Variants in ACSF2 observed in about 807,000 individuals in gnomAD.
The protein encoded by ACSF2 is acyl-CoA synthetase family member 2.
A neutral mutation model predicts 79.3 loss-of-function variants in ACSF2; 52 were observed. The observed-to-expected ratio is 0.66, with a 90% CI of 0.53 to 0.83. The LOEUF (loss-of-function observed/expected upper bound fraction) is 0.83, where lower values mean the gene tolerates loss of function less well. Ranked by LOEUF, ACSF2 falls within the 40% of genes least tolerant of loss-of-function variation. The probability of loss-of-function intolerance (pLI) is 0.00; values close to 1 mark genes in which losing one functional copy is unlikely to be tolerated. For missense variants in ACSF2, 661 were observed against 803.3 expected (o/e 0.82, Z 2.14); for synonymous variants, 283 against 312.6 (o/e 0.91, Z 1.00).
At chr17:50,468,073 C>T (rs760442529) in intron 10 of ACSF2, 1 of 1,608,844 alleles carries the variant, frequency 6.2e-7, no homozygotes, top group Non-Finnish European at 8.5e-7. Flanking sequence ...GCCAGAGGGT[C>T]TCCAGGTATC....
At chr17:50,461,038 G>A (rs533394305) in intron 2 of ACSF2, 166 bp downstream of exon 2, 10 of 1,104,974 alleles carry the variant, frequency 9.0e-6, no homozygotes, top group Middle Eastern at 2.5e-4. Flanking sequence ...CGCACAAGGG[G>A]TCCAATGCCT....
Position 50,471,174 on chromosome 17 carries a change from T to TCACCCAGCTGGGGTG in ACSF2, c.1323+52_1323+66dup, listed in dbSNP as rs375972772. 7 of 1,570,878 alleles carry TCACCCAGCTGGGGTG rather than the reference T, an allele frequency of 4.5e-6. No individual in the cohort carries two copies. The South Asian group carries it at 6.7e-5, about 15-fold the overall frequency. ...CAAGACTCCAAAGTCCCACCTCCCG[T>TCACCCAGCTGGGGTG]CACCCAGCTGGGGTGCACCCAGCTG... On this transcript the variant is annotated intron_variant, in intron 11 of 15. Transcript: ENST00000300441. This position sits in a 1 kb window ranked among gnomAD's most constrained non-coding sequence, Gnocchi z 4.1.
At chr17:50,426,884 C>T in intron 1 of ACSF2, 1 of 1,535,370 alleles carries the variant, frequency 6.5e-7, no homozygotes, top group Non-Finnish European at 8.7e-7. Flanking sequence ...TACTCCTGGG[C>T]CTATTTCCTT....
intron 12 of ACSF2, 103 bp downstream of exon 12, chr17:50,472,682 T>A: frequency 2.2e-6 from 3 of 1,357,164 alleles, no homozygotes; most frequent in Non-Finnish European, 3.0e-6. Context: ...GATGTGGGTA[T>A]CAAGATGACC....
At chr17:50,432,369 T>G (rs1241877777) in intron 1 of ACSF2, among the ~76,000 whole-genome samples, 1 of 152,240 alleles carries the variant, frequency 6.6e-6, no homozygotes, top group Non-Finnish European at 1.5e-5. Flanking sequence ...TGTGTAATGA[T>G]GGCTTGGCCC....
In ACSF2 at chr17:50,471,244, G is replaced by C; in HGVS notation, c.1323+109G>C. 1.2e-6 allele frequency: 1 copy of C among 852,860 alleles called. No homozygotes were observed. 52.8% of individuals were successfully genotyped at this position (852,860 alleles called of 1,614,324 possible). ...TGAGAGAGTCAAATGGCTCACTCAGGATGCCTAGAGCCCCCCAGCAGCAGG... is the reference window on the plus strand; with the variant it reads ...TGAGAGAGTCAAATGGCTCACTCAGCATGCCTAGAGCCCCCCAGCAGCAGG... On this transcript the variant is annotated intron_variant, in intron 11 of 15. Transcript: ENST00000300441. The surrounding 1 kb of genome is among the most constrained non-coding windows in gnomAD (Gnocchi z 4.1).
chr17:50,440,374 A>AC (rs961402268), intron 1 of ACSF2, among the ~76,000 whole-genome samples: 1 of 151,582 alleles, frequency 6.6e-6, no homozygotes, highest in Non-Finnish European at 1.5e-5. Flanking sequence ...AGGCATTTCC[A>AC]CCCCCCGACA....
chr17:50,472,661 G>T (rs1352065367), intron 12 of ACSF2, 82 bp downstream of exon 12: 1 of 1,475,242 alleles, frequency 6.8e-7, no homozygotes, highest in Non-Finnish European at 9.0e-7. Context: ...ACATTAACCT[G>T]GCACCGTGAG....
intron 1 of ACSF2, among the ~76,000 whole-genome samples, chr17:50,430,438 C>T (rs1358274464): frequency 6.6e-6 from 1 of 152,098 alleles, no homozygotes; most frequent in African/African-American, 2.4e-5. Flanking sequence ...GAGGCCGAGG[C>T]AGGCAGATCA....
intron 10 of ACSF2, chr17:50,468,264 T>G: frequency 6.2e-7 from 1 of 1,611,288 alleles, no homozygotes; most frequent in Non-Finnish European, 8.5e-7. Flanking sequence ...TGCAGGGAGC[T>G]CAACGCGTTT....
At position 50,473,898 on chromosome 17, in the gene ACSF2, T is replaced by C. The variant is rs1436607613; in HGVS notation, c.1622T>C (p.Val541Ala). Residue 541 changes from valine to alanine, a missense_variant, in exon 14 of 16, where the codon GTG becomes GCG. Coordinates refer to ENST00000300441, the MANE Select transcript of ACSF2 (RefSeq NM_025149.6). ...THPKVQEVQV[V>A]GVKDDRMGEE... ...ATTTTTCTTTGGCCCTGGAAGGTGG[T>C]GGGAGTGAAGGACGATCGGATGGGG... 1.9e-6 allele frequency: 3 copies of C among 1,598,216 alleles called. No individual in the cohort carries two copies. Among genetic ancestry groups the C allele is most frequent in the Non-Finnish European group, 2.6e-6 (3 of 1,169,524 alleles).
At chr17:50,461,927 G>GGTGTGTGT (rs35178435) in intron 4 of ACSF2, among the ~76,000 whole-genome samples, 7,064 of 148,168 alleles carry the variant, frequency 0.048, 553 homozygotes, top group African/African-American at 0.16. Context: ...TCAGGGCAGA[G>GGTGTGTGT]GTGTGTGTGT....
At chr17:50,465,311 G>A in intron 10 of ACSF2, 2 of 1,614,112 alleles carry the variant, frequency 1.2e-6, no homozygotes, top group Non-Finnish European at 8.5e-7. Flanking sequence ...ATGGCGGCCA[G>A]CTTTCTTGGA....
intron 1 of ACSF2, among the ~76,000 whole-genome samples, chr17:50,456,866 T>C (rs2032042753): frequency 6.6e-6 from 1 of 152,066 alleles, no homozygotes; most frequent in Non-Finnish European, 1.5e-5. Context: ...TCGAGACCAG[T>C]TCTGGCAACA....
At chr17:50,446,549 A>G (rs1326437692) in intron 1 of ACSF2, among the ~76,000 whole-genome samples, 1 of 152,166 alleles carries the variant, frequency 6.6e-6, no homozygotes, top group East Asian at 1.9e-4. Context: ...AAAAGTACAC[A>G]TATTTTAAGG....
At chr17:50,426,709 G>T (rs1915025518) in intron 1 of ACSF2, among the ~76,000 whole-genome samples, 1 of 152,200 alleles carries the variant, frequency 6.6e-6, no homozygotes, top group Non-Finnish European at 1.5e-5. Flanking sequence ...GAGGGGCAAG[G>T]GCCAAGGCCT....
intron 1 of ACSF2, among the ~76,000 whole-genome samples, chr17:50,427,294 TA>T (rs1915084248): frequency 6.6e-6 from 1 of 152,238 alleles, no homozygotes; most frequent in Non-Finnish European, 1.5e-5. Flanking sequence ...TTAAAAAGGC[TA>T]AGTAGGAAGA....
intron 1 of ACSF2, among the ~76,000 whole-genome samples, chr17:50,428,664 C>T (rs1252859532): frequency 6.6e-6 from 1 of 150,904 alleles, no homozygotes; most frequent in Non-Finnish European, 1.5e-5. Context: ...TGCCTGTAAT[C>T]CCAGCTACTT....
At chr17:50,435,163 C>T (rs139579234) in intron 1 of ACSF2, among the ~76,000 whole-genome samples, 2 of 152,326 alleles carry the variant, frequency 1.3e-5, no homozygotes, top group South Asian at 4.1e-4. Flanking sequence ...AGCCACCGTG[C>T]CTGGCCTGTG....
Sources: gnomAD v4.1 joint callset for allele counts (sites outside exome capture counted in the v4.1 genomes callset) on GRCh38, gnomAD v4.1.1 for gene constraint, Gnocchi (gnomAD v3.1) non-coding constraint, MANE v1.5 for transcripts, NCBI Gene and HGNC (gene_info 2026-07-23, HGNC 2026-07-21) for gene names.